RUNX2: variants seen among roughly 807,000 people sequenced by gnomAD.
RUNX2 encodes the protein runt-related transcription factor 2.
RUNX2 carries 10 observed loss-of-function variants against 51.7 expected under a neutral mutation model. The observed-to-expected ratio is 0.19, with a 90% CI of 0.12 to 0.33. The LOEUF (loss-of-function observed/expected upper bound fraction) is 0.33. RUNX2 is among the 10% of genes least tolerant of loss of function. The probability of loss-of-function intolerance (pLI) is 1.00; values close to 1 mark genes in which losing one functional copy is unlikely to be tolerated. For synonymous variants in RUNX2, 276 were observed against 273.6 expected (o/e 1.01, Z -0.09); for missense variants, 562 against 691.3 (o/e 0.81, Z 2.10).
At chr6:45,514,812 TC>T (rs983633033) in intron 7 of RUNX2, among the ~76,000 whole-genome samples, 24 of 152,248 alleles carry the variant, frequency 1.6e-4, no homozygotes, top group Non-Finnish European at 3.1e-4. Flanking sequence ...TCTCATAGGT[TC>T]CCAGGTACCA....
chr6:45,395,325 A>G (rs1018569075), intron 2 of RUNX2, among the ~76,000 whole-genome samples: 47 of 152,232 alleles, frequency 3.1e-4, no homozygotes, highest in Admixed American at 2.4e-3. Context: ...ATTGATGACT[A>G]TTAGAATCTG....
rs1219761773 is a variant in RUNX2 at position 45,377,006 on chromosome 6, G to A, written c.59-45587G>A. Among the ~76,000 whole-genome samples the A allele has an allele frequency of 9.2e-5, 14 of 151,796 alleles. No homozygotes were observed. The East Asian group carries it at 2.7e-3, about 29-fold the overall frequency. On this transcript the variant is annotated intron_variant, in intron 2 of 8. Coordinates refer to ENST00000647337, the MANE Select transcript of RUNX2 (RefSeq NM_001024630.4). ...CACGTGTACAGTAATACTACGTCCA[G>A]GATCGTCTGAGTGTCAAATATTACA...
intron 5 of RUNX2, among the ~76,000 whole-genome samples, chr6:45,473,011 C>T (rs1056494339): frequency 6.6e-6 from 1 of 152,102 alleles, no homozygotes; most frequent in Non-Finnish European, 1.5e-5. Context: ...TCAGGGGCAA[C>T]CTGGTGTGAG....
intron 7 of RUNX2, among the ~76,000 whole-genome samples, chr6:45,535,130 T>A (rs1158413489): frequency 6.6e-6 from 1 of 151,926 alleles, no homozygotes; most frequent in Non-Finnish European, 1.5e-5. Flanking sequence ...TCAGGATAAA[T>A]AACTAATGGG....
At chr6:45,505,688 T>G (rs572270308) in intron 6 of RUNX2, among the ~76,000 whole-genome samples, 1 of 152,328 alleles carries the variant, frequency 6.6e-6, no homozygotes, top group East Asian at 1.9e-4. Context: ...CTCTCCCAAC[T>G]AGCATTTTTG....
At chr6:45,432,342 G>A (rs1238401757) in intron 4 of RUNX2, among the ~76,000 whole-genome samples, 1 of 152,184 alleles carries the variant, frequency 6.6e-6, no homozygotes, top group Non-Finnish European at 1.5e-5. Flanking sequence ...TGAGTAAATT[G>A]AGTGGTAAAG....
chr6:45,450,077 A>T (rs1013347285), intron 5 of RUNX2, among the ~76,000 whole-genome samples: 3 of 152,226 alleles, frequency 2.0e-5, no homozygotes, highest in Non-Finnish European at 4.4e-5. Context: ...CAGGAAAATG[A>T]TGGAATGCTA....
At chr6:45,438,167 C>T (rs1798743334) in intron 5 of RUNX2, 116 bp downstream of exon 5, 3 of 722,246 alleles carry the variant, frequency 4.2e-6, no homozygotes, top group South Asian at 2.9e-5. Context: ...GTGGACTTTG[C>T]TATCTGCATA....
chr6:45,501,057 T>C (rs887422953), intron 6 of RUNX2, among the ~76,000 whole-genome samples: 6 of 152,034 alleles, frequency 3.9e-5, no homozygotes, highest in Non-Finnish European at 8.8e-5. Flanking sequence ...TCTGGAGAGG[T>C]TGAAGGTAGA....
chr6:45,547,372 TAGAG>T lies in RUNX2; in HGVS notation c.*72_*75del, dbSNP rs550883071. 2.0e-3 allele frequency: 2,423 copies of T among 1,225,266 alleles called. 7 individuals carry two copies. The highest frequency in any genetic ancestry group is 2.7e-3 in the Non-Finnish European group (2,206 of 829,932). The allele number at this position is 1,225,266 out of a possible 1,614,324, so 75.9% of individuals were successfully genotyped here. A position where few individuals can be genotyped will look rare whatever the true frequency, so the allele number is the denominator to read the frequency against. ...CCACACGTATCAATATATACATATA[TAGAG>T]AGAGTGCATATATATGTATATCGAT... On this transcript the variant is annotated 3_prime_UTR_variant, in exon 9 of 9. Transcript: ENST00000647337.
chr6:45,479,059 T>C (rs76320710), intron 5 of RUNX2, among the ~76,000 whole-genome samples: 3,054 of 152,154 alleles, frequency 0.02, 109 homozygotes, highest in African/African-American at 0.069. Flanking sequence ...CTTTCTGTGT[T>C]GAATTGCAAG....
rs926912473 is a variant in RUNX2, at chr6:45,431,766, A to G, written c.424-97A>G. ...ATTACTGGACTGGACTAGAACACTA[A>G]GTCCTGATAAGACACATCATTTGCA... On this transcript the variant is annotated intron_variant, in intron 3 of 8. Transcript: ENST00000647337. The G allele has an allele frequency of 4.4e-5, 62 of 1,395,082 alleles. No individual in the cohort carries two copies. In the Middle Eastern group the frequency reaches 7.2e-4, roughly 16 times the overall value. The allele number at this position is 1,395,082 out of a possible 1,614,324, so 86.4% of individuals were successfully genotyped here.
At chr6:45,399,404 G>GGCT (rs568510499) in intron 2 of RUNX2, among the ~76,000 whole-genome samples, 3 of 122,022 alleles carry the variant, frequency 2.5e-5, no homozygotes, top group Non-Finnish European at 4.8e-5. Context: ...CTGTCACCCA[G>GGCT]GCTGGAGTGT....
At position 45,428,967 on chromosome 6, in the gene RUNX2, C is replaced by A. The variant is rs77003390; in HGVS notation, c.424-2896C>A. 3.9e-3 allele frequency among the ~76,000 whole-genome samples: 590 copies of A among 151,826 alleles called. 2 individuals are homozygous for A. Among genetic ancestry groups the A allele is most frequent in the Non-Finnish European group, 6.3e-3 (426 of 67,932 alleles). Reference sequence around the variant, plus strand: ...TGAGGAAGTACGTACTCAGTTGAACCCTTTAAGAATGCTTATAAGTAAAAG... The same window carrying A: ...TGAGGAAGTACGTACTCAGTTGAACACTTTAAGAATGCTTATAAGTAAAAG... On this transcript the variant is annotated intron_variant, in intron 3 of 8. Transcript: ENST00000647337.
chr6:45,450,977 A>G lies in RUNX2; in HGVS notation c.685+12926A>G, dbSNP rs1799154619. ...CCTGGCCCCAAACCACTCTCTTATC[A>G]TTCTCACCAGGTGCCTGAGATTCTT... is the stretch of plus-strand genomic sequence containing the variant. On this transcript the variant is annotated intron_variant, in intron 5 of 8. Transcript: ENST00000647337. Among the ~76,000 whole-genome samples the G allele has an allele frequency of 2.6e-5, 4 of 152,156 alleles. No homozygotes were observed. The South Asian group carries it at 8.3e-4, about 32-fold the overall frequency.
intron 7 of RUNX2, among the ~76,000 whole-genome samples, chr6:45,517,535 T>G (rs1801370095): frequency 6.6e-6 from 1 of 152,182 alleles, no homozygotes; most frequent in South Asian, 2.1e-4. Context: ...TGTTTGTTGT[T>G]GTTGTTAACA....
At chr6:45,491,418 G>A (rs1032366652) in intron 5 of RUNX2, among the ~76,000 whole-genome samples, 2 of 152,064 alleles carry the variant, frequency 1.3e-5, no homozygotes, top group Non-Finnish European at 2.9e-5. Flanking sequence ...TTCCAGAAAA[G>A]AGTCTTAGTA....
chr6:45,332,981 C>CAA (rs1213903834), intron 2 of RUNX2, among the ~76,000 whole-genome samples: 4 of 151,670 alleles, frequency 2.6e-5, no homozygotes, highest in East Asian at 3.9e-4. Context: ...CCTCACCCCC[C>CAA]AAAAAATCAT....
rs1799801508 is a variant in RUNX2 at position 45,471,516 on chromosome 6, CT to C, written c.686-20424del. On this transcript the variant is annotated intron_variant, in intron 5 of 8. Transcript: ENST00000647337. ...CTGGAGTGTGGTGGCGCGATCTCGG[CT>C]CACTGCAAGCTCCGCCTCCCAGGTT... Among the ~76,000 whole-genome samples, 3 of 150,962 alleles carry C rather than the reference CT, an allele frequency of 2.0e-5. No individual in the cohort carries two copies. In the South Asian group the frequency reaches 6.3e-4, roughly 32 times the overall value.
Sources: allele counts gnomAD v4.1 joint callset (sites outside exome capture counted in the v4.1 genomes callset), GRCh38; gene constraint gnomAD v4.1.1; transcripts MANE v1.5; gene names NCBI Gene and HGNC (gene_info 2026-07-23, HGNC 2026-07-21).